The following CSAD variants were observed in gnomAD, a reference collection of about 807,000 sequenced individuals.
CSAD encodes P-selectin cytoplasmic tail-associated protein.
A neutral mutation model predicts 61.5 loss-of-function variants in CSAD; 47 were observed. The observed-to-expected ratio is 0.76, with a 90% confidence interval of 0.60 to 0.97. CSAD has a LOEUF of 0.97. Ranked by LOEUF, CSAD falls within the 50% of genes least tolerant of loss-of-function variation. The pLI is 0.00. For missense variants in CSAD, 611 were observed against 643.6 expected, an observed-to-expected ratio of 0.95 and a Z score of 0.55; for synonymous variants, 245 against 252.7, an observed-to-expected ratio of 0.97 and a Z score of 0.29.
chr12:53,170,335 G>GT (rs1940413949), intron 9 of CSAD, 88 bp downstream of exon 9: 8 of 1,239,336 alleles, frequency 6.5e-6, no homozygotes, highest in Admixed American at 1.7e-5. Context: ...TCCACCAGCG[G>GT]TAAGGGTCTG....
In CSAD at chr12:53,158,552, A is replaced by T. The variant is rs201988379; in HGVS notation, c.1441T>A (p.Phe481Ile). Residue 481 changes from phenylalanine to isoleucine, a missense_variant, in exon 17 of 17, where the codon TTC (phenylalanine) becomes ATC (isoleucine). Phe to Ile is a conservative substitution (Grantham distance 21). Transcript: ENST00000444623. ...AGCCGCTCCAGCTCGTTGAGGAGGA[A>T]GTCCATATCAGCACAGGTCAGTGCA... ...NSALTCADMDFLLNELERLGQ... is the reference protein window; with the variant it reads ...NSALTCADMDILLNELERLGQ... 3.3e-4 allele frequency: 529 copies of T among 1,613,402 alleles called. 3 individuals carry two copies. The highest frequency in any genetic ancestry group is 1.2e-3 in the Middle Eastern group (7 of 6,060).
chr12:53,181,139 A>C (rs1224841209), upstream of CSAD: 11 of 980,782 alleles, frequency 1.1e-5, no homozygotes, highest in African/African-American at 1.0e-4. Context: ...CAGCGGGTGC[A>C]GAGGCTGGCT....
intron 9 of CSAD, 132 bp from the exon 10 acceptor site, chr12:53,170,258 G>A (rs1940402519): frequency 5.0e-6 from 5 of 1,003,934 alleles, no homozygotes; most frequent in Non-Finnish European, 7.7e-6. Flanking sequence ...CAGGGCAGAG[G>A]TGGGAGACGC....
At chr12:53,180,577 C>T (rs1007237769) in intron 1 of CSAD, 155 bp downstream of exon 1, 2 of 1,284,956 alleles carry the variant, frequency 1.6e-6, no homozygotes, top group African/African-American at 3.1e-5. Context: ...CCAGCTGCAC[C>T]TCTCCGTGCG....
intron 2 of CSAD, among the ~76,000 whole-genome samples, chr12:53,175,614 A>C (rs1235337386): frequency 6.6e-6 from 1 of 152,208 alleles, no homozygotes; most frequent in Non-Finnish European, 1.5e-5. Flanking sequence ...GGGACCCCTC[A>C]AATGTTAGTT....
chr12:53,170,204 GA>G, intron 9 of CSAD, 78 bp from the exon 10 acceptor site: 1 of 1,331,168 alleles, frequency 7.5e-7, no homozygotes, highest in Non-Finnish European at 1.1e-6. Context: ...TAGCAATGCA[GA>G]GACAACAGTG....
intron 1 of CSAD, chr12:53,179,519 C>CA (rs34166229): frequency 2.1e-6 from 1 of 474,862 alleles, no homozygotes; most frequent in Non-Finnish European, 3.7e-6. Context: ...AGCTAATTTT[C>CA]AAAAAAGATT....
intron 10 of CSAD, 122 bp downstream of exon 10, chr12:53,169,950 A>G (rs1018939376): frequency 1.1e-5 from 9 of 846,530 alleles, no homozygotes; most frequent in Non-Finnish European, 1.8e-5. Flanking sequence ...TGGTCACTTC[A>G]GCCCACAGGG....
At chr12:53,165,803 T>C (rs1259459321) in intron 10 of CSAD, among the ~76,000 whole-genome samples, 1 of 152,012 alleles carries the variant, frequency 6.6e-6, no homozygotes, top group African/African-American at 2.4e-5. Flanking sequence ...TCAAAAAAAT[T>C]CAATAGAATT....
chr12:53,171,894 T>C lies in CSAD; in HGVS notation c.439A>G (p.Ile147Val). The part of the protein sequence containing the change: ...ALVGWSSGDG[I>V]FCPGGSISNM... ...CCTTCTCACAAACCAGGGCAGAAGA[T>C]TCCGTCCCCAGAGCTCCAGCCCACC... Residue 147 changes from isoleucine to valine, a missense_variant, in exon 7 of 17, where the codon ATC becomes GTC. Physicochemically the swap from Ile to Val is conservative, Grantham distance 29. Coordinates refer to ENST00000444623, the MANE Select transcript of CSAD (RefSeq NM_001244705.2). The C allele has an allele frequency of 6.2e-7, 1 of 1,612,580 alleles. No homozygotes were observed. Among genetic ancestry groups the C allele is most frequent in the Non-Finnish European group, 8.5e-7 (1 of 1,178,680 alleles).
rs1209707746 is a variant in CSAD, at chr12:53,160,254, A to G, written c.1032T>C (p.Asp344=). ...CCTTGTCTCCCGTGTCCAGAGCCAC[A>G]TCGTAGAACTTGTCCTGCTGGAAAA... The part of the protein sequence containing the change: ...SYLFQQDKFY[D]VALDTGDKVV... Residue 344 remains aspartate (D), a synonymous_variant, in exon 14 of 17, where the codon GAT becomes GAC. Transcript: ENST00000444623. The G allele has an allele frequency of 6.2e-6, 10 of 1,614,212 alleles. No individual in the cohort carries two copies. The highest frequency in any genetic ancestry group is 5.9e-6 in the Non-Finnish European group (7 of 1,180,040).
chr12:53,158,418 G>C lies in CSAD; in HGVS notation c.*93C>G. 7.4e-7 allele frequency: 1 copy of C among 1,360,000 alleles called. No homozygotes were observed. Among genetic ancestry groups the C allele is most frequent in the Non-Finnish European group, 1.0e-6 (1 of 981,068 alleles). The allele number at this position is 1,360,000 out of a possible 1,614,324, so 84.2% of individuals were successfully genotyped here. On this transcript the variant is annotated 3_prime_UTR_variant, in exon 17 of 17. Coordinates refer to ENST00000444623, the MANE Select transcript of CSAD (RefSeq NM_001244705.2). ...CCCAAAGTGCTGGGATTACAGGCGTGAGCCACTGCACCCGGCCTCAAAGGC... is the reference window on the plus strand; with the variant it reads ...CCCAAAGTGCTGGGATTACAGGCGTCAGCCACTGCACCCGGCCTCAAAGGC...
At chr12:53,160,368 T>G (rs1355494361) in intron 13 of CSAD, 49 bp from the exon 14 acceptor site, 37 of 1,577,554 alleles carry the variant, frequency 2.3e-5, no homozygotes, top group Non-Finnish European at 3.1e-5. Context: ...CCACCGAGGC[T>G]TTCCTCCAGG....
intron 10 of CSAD, among the ~76,000 whole-genome samples, chr12:53,167,005 C>T (rs1448457737): frequency 6.6e-6 from 1 of 152,168 alleles, no homozygotes; most frequent in Non-Finnish European, 1.5e-5. Context: ...TGAGTCAGTT[C>T]TTGTTCATGT....
intron 1 of CSAD, chr12:53,180,095 G>T (rs145108955): frequency 1.3e-5 from 18 of 1,375,420 alleles, no homozygotes; most frequent in Non-Finnish European, 1.7e-5. Flanking sequence ...TTTGACTTCT[G>T]CAGGGAGGTG....
In CSAD at chr12:53,170,090, A is replaced by G; in HGVS notation, c.684T>C (p.Ile228=). ...GACTCACCTCAGCCTCGGCCATACCAATCTGCCTCTCCAGATCCTCGGGGA... is the reference window on the plus strand; with the variant it reads ...GACTCACCTCAGCCTCGGCCATACCGATCTGCCTCTCCAGATCCTCGGGGA... The part of the protein sequence containing the change: ...KMVPEDLERQ[I]GMAEAEGAVP... The change falls in exon 10 of 17, where the codon ATT becomes ATC. Residue 228 remains isoleucine (I), a synonymous_variant. Coordinates refer to ENST00000444623, the MANE Select transcript of CSAD (RefSeq NM_001244705.2). 1 of 1,614,072 alleles carries G rather than the reference A, an allele frequency of 6.2e-7. No individual in the cohort carries two copies. Among genetic ancestry groups the G allele is most frequent in the Non-Finnish European group, 8.5e-7 (1 of 1,179,990 alleles).
chr12:53,167,566 G>A (rs759947813), intron 10 of CSAD, among the ~76,000 whole-genome samples: 5 of 152,228 alleles, frequency 3.3e-5, no homozygotes, highest in Non-Finnish European at 7.3e-5. Flanking sequence ...CAAAATGGGT[G>A]AAGGATCTGA....
At chr12:53,168,112 A>C (rs2121486889) in intron 10 of CSAD, among the ~76,000 whole-genome samples, 1 of 152,362 alleles carries the variant, frequency 6.6e-6, no homozygotes, top group East Asian at 1.9e-4. Context: ...GCTATGTAAA[A>C]GAAGCTCATC....
chr12:53,174,270 TGCACCCCAGCCTAGGCG>T (rs1173749546), intron 2 of CSAD, among the ~76,000 whole-genome samples: 1 of 143,718 alleles, frequency 7.0e-6, no homozygotes, highest in Non-Finnish European at 1.5e-5. Flanking sequence ...ATCGCGCCAC[TGCACCCCAGCCTAGGCG>T]ACAGAGCGAG....
Sources: gnomAD v4.1 joint callset for allele counts (sites outside exome capture counted in the v4.1 genomes callset) on GRCh38, gnomAD v4.1.1 for gene constraint, MANE v1.5 for transcripts, NCBI Gene and HGNC (gene_info 2026-07-23, HGNC 2026-07-21) for gene names.